Variants in SLC7A14 observed in about 807,000 individuals in gnomAD.
SLC7A14 encodes the protein solute carrier family 7 member 14, also known as gamma-aminobutyric acid transporter SLC7A14.
In SLC7A14, 37 loss-of-function variants were observed where a neutral mutation model predicts 60.2. The observed-to-expected ratio is 0.61, with a 90% CI of 0.47 to 0.81. The LOEUF is 0.81. Ranked by LOEUF, SLC7A14 falls within the 30% of genes least tolerant of loss-of-function variation. The probability of loss-of-function intolerance (pLI) is 0.00; values close to 1 mark genes in which losing one functional copy is unlikely to be tolerated. For synonymous variants in SLC7A14, 399 were observed against 395.8 expected (o/e 1.01, Z -0.10); for missense variants, 886 against 982.7 (o/e 0.90, Z 1.32).
At chr3:170,541,704 TA>T in intron 1 of SLC7A14, among the ~76,000 whole-genome samples, 1 of 152,286 alleles carries the variant, frequency 6.6e-6, no homozygotes, top group East Asian at 1.9e-4. Context: ...GGCAGTATGG[TA>T]AAATGTTAAA....
intron 2 of SLC7A14, among the ~76,000 whole-genome samples, chr3:170,509,394 A>G (rs1364760023): frequency 6.6e-6 from 1 of 152,198 alleles, no homozygotes; most frequent in Non-Finnish European, 1.5e-5. Context: ...AGAACTCCCA[A>G]GTCTGCCAAA....
chr3:170,506,162 A>G (rs966421819), intron 2 of SLC7A14, among the ~76,000 whole-genome samples: 8 of 152,218 alleles, frequency 5.3e-5, no homozygotes, highest in Non-Finnish European at 1.0e-4. Flanking sequence ...AGACCACATG[A>G]TGGAAATTTT....
intron 5 of SLC7A14, among the ~76,000 whole-genome samples, chr3:170,483,881 C>T (rs1711930185): frequency 1.3e-5 from 2 of 152,226 alleles, no homozygotes; most frequent in African/African-American, 2.4e-5. Flanking sequence ...CAATGCCCTG[C>T]AACCAGGGCC....
At chr3:170,526,610 C>T in intron 2 of SLC7A14, 23 bp downstream of exon 2, 1 of 1,608,886 alleles carries the variant, frequency 6.2e-7, no homozygotes, top group South Asian at 1.1e-5. Flanking sequence ...TTCCACAGTA[C>T]TTCCCTGCAT....
chr3:170,549,770 A>G (rs1714290279), intron 1 of SLC7A14, among the ~76,000 whole-genome samples: 1 of 152,198 alleles, frequency 6.6e-6, no homozygotes, highest in Admixed American at 6.5e-5. Context: ...TTTTTAACAT[A>G]AGCAGGGGAG....
chr3:170,460,440 A>T lies in SLC7A14; in HGVS notation c.*6615T>A, dbSNP rs1378496246. On this transcript the variant is annotated 3_prime_UTR_variant, in exon 8 of 8. Transcript: ENST00000231706. The stretch of plus-strand genomic sequence containing the variant: ...ATTTATGCACCATCATAACATTAAC[A>T]GCATCTTTGCTTTGGAAAGTGGGGG... 1 of 152,228 alleles carries T rather than the reference A, an allele frequency of 6.6e-6. No homozygotes were observed. 9.4% of individuals were successfully genotyped at this position (152,228 alleles called of 1,614,324 possible).
At chr3:170,553,662 G>C (rs1385807384) in intron 1 of SLC7A14, among the ~76,000 whole-genome samples, 1 of 152,200 alleles carries the variant, frequency 6.6e-6, no homozygotes, top group East Asian at 1.9e-4. Context: ...AACAGTTGAA[G>C]AAGTCCTAGG....
At chr3:170,533,711 C>T (rs532928970) in intron 1 of SLC7A14, among the ~76,000 whole-genome samples, 24 of 151,918 alleles carry the variant, frequency 1.6e-4, no homozygotes, top group African/African-American at 5.1e-4. Context: ...CACATGTGTG[C>T]ACAAGCACGT....
chr3:170,544,873 CCATT>C (rs1416709471), intron 1 of SLC7A14, among the ~76,000 whole-genome samples: 2 of 152,184 alleles, frequency 1.3e-5, no homozygotes, highest in Non-Finnish European at 2.9e-5. Context: ...GCACATGACT[CCATT>C]CAGAGCAGAT....
In SLC7A14 at chr3:170,465,903, C is replaced by T. The variant is rs1739706059; in HGVS notation, c.*1152G>A. 6.6e-6 allele frequency: 1 copy of T among 151,930 alleles called. No individual in the cohort carries two copies. Among genetic ancestry groups the T allele is most frequent in the African/African-American group, 2.4e-5 (1 of 41,342 alleles). 9.4% of individuals were successfully genotyped at this position (151,930 alleles called of 1,614,324 possible). A position where few individuals can be genotyped will look rare whatever the true frequency, so the allele number is the denominator to read the frequency against. ...TACATCTTACCAGGTAGATATTTCT[C>T]TGGGCTTCAGTGAAACTACTCTGGG... is the stretch of plus-strand genomic sequence containing the variant. On this transcript the variant is annotated 3_prime_UTR_variant, in exon 8 of 8. Transcript: ENST00000231706.
chr3:170,481,260 GT>G (rs1560251903), intron 6 of SLC7A14, 94 bp from the exon 7 acceptor site: 1 of 1,346,146 alleles, frequency 7.4e-7, no homozygotes, highest in Non-Finnish European at 1.0e-6. Flanking sequence ...CAATAGGCTG[GT>G]GTGATTAACT....
chr3:170,516,507 G>A (rs890731412), intron 2 of SLC7A14, among the ~76,000 whole-genome samples: 1 of 151,230 alleles, frequency 6.6e-6, no homozygotes, highest in Non-Finnish European at 1.5e-5. Flanking sequence ...AGGATAGCTC[G>A]AGGTCAGGAG....
chr3:170,573,663 T>C (rs1715009424), intron 1 of SLC7A14, among the ~76,000 whole-genome samples: 1 of 152,206 alleles, frequency 6.6e-6, no homozygotes, highest in Non-Finnish European at 1.5e-5. Flanking sequence ...CCAAAATAAT[T>C]TGCCAGTTTC....
At chr3:170,528,887 G>A (rs1330174491) in intron 1 of SLC7A14, among the ~76,000 whole-genome samples, 2 of 152,098 alleles carry the variant, frequency 1.3e-5, no homozygotes, top group Non-Finnish European at 2.9e-5. Context: ...GTGGGGACAT[G>A]AATCCACGTG....
At chr3:170,484,627 C>G (rs1711959042) in intron 5 of SLC7A14, among the ~76,000 whole-genome samples, 1 of 152,180 alleles carries the variant, frequency 6.6e-6, no homozygotes, top group Non-Finnish European at 1.5e-5. Context: ...GCCTATTCCT[C>G]TGGAGCCAAG....
chr3:170,548,572 A>C (rs961262526), intron 1 of SLC7A14, among the ~76,000 whole-genome samples: 3 of 152,196 alleles, frequency 2.0e-5, no homozygotes, highest in African/African-American at 7.2e-5. Context: ...AGTTGTTCCC[A>C]TGCCTGGCTG....
chr3:170,535,084 C>T lies in SLC7A14; in HGVS notation c.-152-7996G>A, dbSNP rs1713798657. On this transcript the variant is annotated intron_variant, in intron 1 of 7. Coordinates refer to ENST00000231706, the MANE Select transcript of SLC7A14 (RefSeq NM_020949.3). This position sits in a 1 kb window ranked among gnomAD's most constrained non-coding sequence, Gnocchi z 4.3. ...ACCTTCTCCTCTCCTTTTCCATGGA[C>T]CTCAGGTCCGGTGCCTCAGGTCTTT... Among the ~76,000 whole-genome samples, 1 of 152,080 alleles carries T rather than the reference C, an allele frequency of 6.6e-6. No homozygotes were observed. The highest frequency in any genetic ancestry group is 1.5e-5 in the Non-Finnish European group (1 of 68,030).
rs2108260668 is a variant in SLC7A14 at position 170,464,551 on chromosome 3, G to A, written c.*2504C>T. 1 of 151,912 alleles carries A rather than the reference G, an allele frequency of 6.6e-6. No individual in the cohort carries two copies. Among genetic ancestry groups the A allele is most frequent in the African/African-American group, 2.4e-5 (1 of 41,268 alleles). 9.4% of individuals were successfully genotyped at this position (151,912 alleles called of 1,614,324 possible). A position where few individuals can be genotyped will look rare whatever the true frequency, so the allele number is the denominator to read the frequency against. ...ACCTGAAAATACTTTTTCTATCTTAGTGATTTTTTTTTTAAAACTAAGGTT... is the reference window on the plus strand; with the variant it reads ...ACCTGAAAATACTTTTTCTATCTTAATGATTTTTTTTTTAAAACTAAGGTT... On this transcript the variant is annotated 3_prime_UTR_variant, in exon 8 of 8. Coordinates refer to ENST00000231706, the MANE Select transcript of SLC7A14 (RefSeq NM_020949.3).
rs1560251314 is a variant in SLC7A14 at position 170,480,611 on chromosome 3, G to A, written c.1671C>T (p.Pro557=). 6.2e-7 allele frequency: 1 copy of A among 1,614,238 alleles called. No homozygotes were observed. The highest frequency in any genetic ancestry group is 1.3e-5 in the African/African-American group (1 of 75,068). ...RLGLPGKMDR[P]TAATGHTVTI... ...TCACCGTGTGCCCCGTCGCTGCTGTGGGCCGGTCCATTTTGCCTGGAAGGC... is the reference window on the plus strand; with the variant it reads ...TCACCGTGTGCCCCGTCGCTGCTGTAGGCCGGTCCATTTTGCCTGGAAGGC... The change falls in exon 7 of 8, where the codon CCC becomes CCT. Residue 557 remains proline (P), a synonymous_variant. Coordinates refer to ENST00000231706, the MANE Select transcript of SLC7A14 (RefSeq NM_020949.3).
Sources: allele counts gnomAD v4.1 joint callset (sites outside exome capture counted in the v4.1 genomes callset), GRCh38; gene constraint gnomAD v4.1.1; non-coding constraint Gnocchi (gnomAD v3.1); transcripts MANE v1.5; gene names NCBI Gene and HGNC (gene_info 2026-07-23, HGNC 2026-07-21).